TMPRSS11D: variants seen among roughly 807,000 people sequenced by gnomAD.
TMPRSS11D encodes transmembrane serine protease 11D.
A neutral mutation model predicts 44.4 loss-of-function variants in TMPRSS11D; 32 were observed. That is an observed-to-expected ratio of 0.72 (90% CI 0.54 to 0.97). The LOEUF (loss-of-function observed/expected upper bound fraction) is 0.97. TMPRSS11D is among the 50% of genes least tolerant of loss of function. The probability of loss-of-function intolerance (pLI) is 0.00; values close to 1 mark genes in which losing one functional copy is unlikely to be tolerated. For synonymous variants in TMPRSS11D, 179 were observed against 177.9 expected, an observed-to-expected ratio of 1.01 and a Z score of -0.05; for missense variants, 446 against 502.6, an observed-to-expected ratio of 0.89 and a Z score of 1.08.
At chr4:67,828,344 T>C (rs1287929068) in intron 7 of TMPRSS11D, among the ~76,000 whole-genome samples, 1 of 152,110 alleles carries the variant, frequency 6.6e-6, no homozygotes, top group Non-Finnish European at 1.5e-5. Flanking sequence ...AAAAAGTTTA[T>C]GGGGACAGCA....
intron 5 of TMPRSS11D, chr4:67,837,920 A>G (rs1196828862): frequency 1.0e-5 from 3 of 293,232 alleles, no homozygotes; most frequent in African/African-American, 4.4e-5. Flanking sequence ...CATCACTCAT[A>G]AGGAATGTTG....
intron 5 of TMPRSS11D, 95 bp downstream of exon 5, chr4:67,838,077 A>G: frequency 9.1e-7 from 1 of 1,094,760 alleles, no homozygotes; most frequent in Non-Finnish European, 1.2e-6. Context: ...AGTTTCAAAG[A>G]AAGAAAAGTC....
At chr4:67,863,345 AAG>A (rs1553919334) in intron 1 of TMPRSS11D, among the ~76,000 whole-genome samples, 8 of 150,232 alleles carry the variant, frequency 5.3e-5, no homozygotes, top group African/African-American at 1.5e-4. Context: ...AAAAAAAAAA[AAG>A]AAAAGAAAAG....
intron 4 of TMPRSS11D, among the ~76,000 whole-genome samples, chr4:67,841,049 T>C (rs761966784): frequency 9.9e-5 from 15 of 152,112 alleles, no homozygotes; most frequent in Middle Eastern, 3.2e-3. Flanking sequence ...AAGTTCCATG[T>C]AAAGCAATGC....
At chr4:67,837,950 T>C in intron 5 of TMPRSS11D, 1 of 375,530 alleles carries the variant, frequency 2.7e-6, no homozygotes, top group Non-Finnish European at 4.7e-6. Flanking sequence ...TTAATGAGAA[T>C]TTTTAGCAAA....
intron 7 of TMPRSS11D, among the ~76,000 whole-genome samples, chr4:67,829,446 TTA>T (rs775331259): frequency 0.036 from 348 of 9,644 alleles, 1 homozygote; most frequent in Middle Eastern, 0.17. Context: ...AACAGTAGCG[TTA>T]AAAAAAAAAA....
intron 1 of TMPRSS11D, among the ~76,000 whole-genome samples, chr4:67,869,199 T>C (rs1022816556): frequency 2.6e-5 from 4 of 152,208 alleles, no homozygotes; most frequent in African/African-American, 9.6e-5. Flanking sequence ...GGAAGTGTTC[T>C]TTTTGAAGTC....
intron 6 of TMPRSS11D, among the ~76,000 whole-genome samples, chr4:67,834,506 A>G (rs962650571): frequency 4.0e-5 from 6 of 150,730 alleles, no homozygotes; most frequent in Middle Eastern, 3.2e-3. Context: ...ACTAATTTTT[A>G]ACTGCATTTT....
chr4:67,844,202 G>A (rs1412832230), intron 3 of TMPRSS11D, among the ~76,000 whole-genome samples: 2 of 152,146 alleles, frequency 1.3e-5, no homozygotes, highest in East Asian at 3.8e-4. Context: ...TAGCATGCTG[G>A]ATATTACATT....
chr4:67,856,423 T>C (rs190406622), intron 2 of TMPRSS11D, among the ~76,000 whole-genome samples: 178 of 152,204 alleles, frequency 1.2e-3, no homozygotes, highest in African/African-American at 4.0e-3. Context: ...AAATTGGATA[T>C]CCATTTGCAG....
chr4:67,823,569 T>G (rs2109653815), intron 9 of TMPRSS11D, among the ~76,000 whole-genome samples: 1 of 152,244 alleles, frequency 6.6e-6, no homozygotes, highest in South Asian at 2.1e-4. Context: ...TATAGTATAG[T>G]CAGTACTAAT....
intron 1 of TMPRSS11D, among the ~76,000 whole-genome samples, chr4:67,868,273 A>T (rs753086624): frequency 6.6e-6 from 1 of 152,144 alleles, no homozygotes; most frequent in Admixed American, 6.6e-5. Flanking sequence ...ATGGACAGAG[A>T]GAGTAGAATA....
intron 9 of TMPRSS11D, among the ~76,000 whole-genome samples, chr4:67,824,103 A>T (rs1424740448): frequency 6.6e-6 from 1 of 151,472 alleles, no homozygotes; most frequent in Admixed American, 6.6e-5. Context: ...GATAAAACAA[A>T]TAGGATCCTG....
Position 67,833,198 on chromosome 4 carries a change from C to G in TMPRSS11D, c.692+6G>C. On this transcript the variant is annotated splice_donor_region_variant and intron_variant, in intron 7 of 9. Transcript: ENST00000283916. Reference sequence around the variant, plus strand: ...TTCCCAGATGGGTAGGTAGTGGTGGCCTCACCTTCTGAAGCAGTGAGCTGC... The same window carrying G: ...TTCCCAGATGGGTAGGTAGTGGTGGGCTCACCTTCTGAAGCAGTGAGCTGC... 3 of 1,459,848 alleles carry G rather than the reference C, an allele frequency of 2.1e-6. No individual in the cohort carries two copies. Among genetic ancestry groups the G allele is most frequent in the Non-Finnish European group, 2.7e-6 (3 of 1,099,866 alleles). The allele number at this position is 1,459,848 out of a possible 1,614,324, so 90.4% of individuals were successfully genotyped here. A position where few individuals can be genotyped will look rare whatever the true frequency, so the allele number is the denominator to read the frequency against.
At chr4:67,851,494 A>T (rs1463055177) in intron 3 of TMPRSS11D, among the ~76,000 whole-genome samples, 4 of 152,160 alleles carry the variant, frequency 2.6e-5, no homozygotes, top group Non-Finnish European at 4.4e-5. Context: ...GCTGTCCTCC[A>T]CTGAGGGAGG....
chr4:67,857,626 T>C (rs1718684811), intron 2 of TMPRSS11D, among the ~76,000 whole-genome samples: 1 of 152,054 alleles, frequency 6.6e-6, no homozygotes, highest in Non-Finnish European at 1.5e-5. Context: ...GAAAGACAAG[T>C]ATGTTCTAAC....
At chr4:67,828,637 C>T (rs1326203404) in intron 7 of TMPRSS11D, among the ~76,000 whole-genome samples, 1 of 152,090 alleles carries the variant, frequency 6.6e-6, no homozygotes, top group Non-Finnish European at 1.5e-5. Flanking sequence ...ATCAGCTGCA[C>T]CCAAGGTCAG....
chr4:67,861,863 T>C (rs1300951394), intron 1 of TMPRSS11D, among the ~76,000 whole-genome samples: 2 of 152,140 alleles, frequency 1.3e-5, no homozygotes, highest in Non-Finnish European at 2.9e-5. Context: ...ATAGCATGTT[T>C]CAACTTTCAA....
intron 4 of TMPRSS11D, 47 bp downstream of exon 4, chr4:67,842,511 G>T: frequency 6.8e-7 from 1 of 1,477,364 alleles, no homozygotes; most frequent in Non-Finnish European, 9.5e-7. Context: ...AGTCAAGTAT[G>T]CCACATTGTA....
Sources: gnomAD v4.1 joint callset for allele counts (sites outside exome capture counted in the v4.1 genomes callset) on GRCh38, gnomAD v4.1.1 for gene constraint, MANE v1.5 for transcripts, NCBI Gene and HGNC (gene_info 2026-07-23, HGNC 2026-07-21) for gene names.